The following PDE5A variants were observed in gnomAD, a reference collection of about 807,000 sequenced individuals.
PDE5A encodes cGMP-specific 3',5'-cyclic phosphodiesterase.
In PDE5A, 67 loss-of-function variants were observed where a neutral mutation model predicts 110.2. The ratio of observed to expected loss-of-function variants is 0.61; its 90% CI spans 0.50 to 0.75. The LOEUF (loss-of-function observed/expected upper bound fraction) is 0.75. PDE5A is among the 30% of genes least tolerant of loss of function. PDE5A has a pLI of 0.00. For missense variants in PDE5A, 862 were observed against 1,045.1 expected (o/e 0.82, Z 2.42); for synonymous variants, 328 against 351.2 (o/e 0.93, Z 0.74).
chr4:119,498,375 G>A lies in PDE5A; in HGVS notation c.*226C>T, dbSNP rs199588888. 2.3e-5 allele frequency: 11 copies of A among 482,036 alleles called. No homozygotes were observed. Among genetic ancestry groups the A allele is most frequent in the Non-Finnish European group, 4.1e-5 (11 of 270,032 alleles). 29.9% of individuals were successfully genotyped at this position (482,036 alleles called of 1,614,324 possible). ...TTTTATCAATGTGCTAACAGTGGAT[G>A]TTGTTGATCCTTTCAGTTCAGTAGC... On this transcript the variant is annotated 3_prime_UTR_variant, in exon 21 of 21. Coordinates refer to ENST00000354960, the MANE Select transcript of PDE5A (RefSeq NM_001083.4).
At chr4:119,565,491 T>C in intron 4 of PDE5A, 81 bp from the exon 5 acceptor site, 1 of 915,428 alleles carries the variant, frequency 1.1e-6, no homozygotes. Flanking sequence ...TCCTCAAATA[T>C]TTACAGTTAG....
intron 19 of PDE5A, chr4:119,502,293 A>G (rs3733519): frequency 0.25 from 61,723 of 245,998 alleles, 8,061 homozygotes; most frequent in East Asian, 0.34. Context: ...ATGATAATAC[A>G]TAAGAATATT....
intron 3 of PDE5A, among the ~76,000 whole-genome samples, chr4:119,579,088 A>C: frequency 6.6e-6 from 1 of 152,182 alleles, no homozygotes; most frequent in Non-Finnish European, 1.5e-5. Flanking sequence ...ACATGAAAAA[A>C]TGCTCATCAT....
rs79200398 is a variant in PDE5A, at chr4:119,625,801, C to T, written c.152+2719G>A. On this transcript the variant is annotated intron_variant, in intron 1 of 20. Transcript: ENST00000354960. ...TTTTTACCACAAAATGTGAACCACA[C>T]TGGGGTTAGTGGTTTGCATTTTTAT... is the stretch of plus-strand genomic sequence containing the variant. Among the ~76,000 whole-genome samples, 4 of 152,194 alleles carry T rather than the reference C, an allele frequency of 2.6e-5. No homozygotes were observed. In the East Asian group the frequency reaches 5.8e-4, roughly 22 times the overall value.
chr4:119,524,016 T>C (rs1048392976), intron 12 of PDE5A, among the ~76,000 whole-genome samples: 12 of 151,964 alleles, frequency 7.9e-5, no homozygotes, highest in Non-Finnish European at 1.8e-4. Flanking sequence ...ATTTGATGAG[T>C]GATGTAACCA....
rs549075474 is a variant in PDE5A, at chr4:119,603,711, G to A, written c.741+2998C>T. Among the ~76,000 whole-genome samples, 4 of 152,178 alleles carry A rather than the reference G, an allele frequency of 2.6e-5. No individual in the cohort carries two copies. The East Asian group carries it at 5.8e-4, about 22-fold the overall frequency. On this transcript the variant is annotated intron_variant, in intron 2 of 20. Coordinates refer to ENST00000354960, the MANE Select transcript of PDE5A (RefSeq NM_001083.4). ...GGTCATTTGTTATAATTAACTTTAT[G>A]AGACTTTAAAAAAAATTCTCAGCAT...
chr4:119,552,801 C>T (rs1001259020), intron 8 of PDE5A, among the ~76,000 whole-genome samples, 164 bp from the exon 9 acceptor site: 1 of 151,892 alleles, frequency 6.6e-6, no homozygotes, highest in Non-Finnish European at 1.5e-5. Flanking sequence ...ATGAAGTTCA[C>T]ATAAATGCAA....
chr4:119,504,509 T>C (rs1490960159), intron 18 of PDE5A, 27 bp downstream of exon 18: 3 of 1,569,906 alleles, frequency 1.9e-6, no homozygotes, highest in Non-Finnish European at 2.6e-6. Flanking sequence ...ACTTTTTAAT[T>C]ATTGTTATTG....
chr4:119,560,275 G>GCA (rs1727700757), intron 7 of PDE5A, 21 bp downstream of exon 7: 1 of 1,414,012 alleles, frequency 7.1e-7, no homozygotes, highest in African/African-American at 1.4e-5. Flanking sequence ...ATAAAGACAA[G>GCA]TAGAGAATAC....
At chr4:119,608,842 C>T (rs1052639572) in intron 1 of PDE5A, among the ~76,000 whole-genome samples, 1 of 152,118 alleles carries the variant, frequency 6.6e-6, no homozygotes, top group African/African-American at 2.4e-5. Context: ...TAGTCACTCT[C>T]CAAAGTTTTT....
At chr4:119,586,267 G>A (rs1728762731) in intron 3 of PDE5A, among the ~76,000 whole-genome samples, 1 of 152,094 alleles carries the variant, frequency 6.6e-6, no homozygotes, top group African/African-American at 2.4e-5. Flanking sequence ...AAAAATTTTT[G>A]TAAGATCCTC....
chr4:119,587,404 T>C (rs1728801510), intron 3 of PDE5A, among the ~76,000 whole-genome samples: 1 of 143,842 alleles, frequency 7.0e-6, no homozygotes, highest in Admixed American at 7.2e-5. Flanking sequence ...TGAGACGGAG[T>C]CTCGCTCTGT....
rs778191725 is a variant in PDE5A at position 119,565,385 on chromosome 4, C to T, written c.929G>A (p.Cys310Tyr). The change falls in exon 5 of 21, where the codon TGT (cysteine) becomes TAT (tyrosine). Residue 310 changes from cysteine to tyrosine, a missense_variant. By Grantham distance (194) the Cys-to-Tyr change is radical (BLOSUM62 -2). Transcript: ENST00000354960. ...CTGAGCATTATGAAGAACAATACCACAAAATGCCAAATAAGCAGCAAAGTC... is the reference window on the plus strand; with the variant it reads ...CTGAGCATTATGAAGAACAATACCATAAAATGCCAAATAAGCAGCAAAGTC... ...EKDFAAYLAF[C>Y]GIVLHNAQLY... The T allele has an allele frequency of 6.2e-7, 1 of 1,611,880 alleles. No homozygotes were observed. The highest frequency in any genetic ancestry group is 2.2e-5 in the East Asian group (1 of 44,738).
intron 11 of PDE5A, among the ~76,000 whole-genome samples, chr4:119,528,224 T>G (rs1726397889): frequency 6.6e-6 from 1 of 152,032 alleles, no homozygotes; most frequent in Admixed American, 6.6e-5. Flanking sequence ...CTTTTTATGA[T>G]CCTTTTCTAA....
chr4:119,600,266 A>T (rs558682071), intron 2 of PDE5A, among the ~76,000 whole-genome samples: 1 of 152,220 alleles, frequency 6.6e-6, no homozygotes, highest in African/African-American at 2.4e-5. Context: ...AAAAAAGAAA[A>T]ATAATGCATC....
rs753921669 is a variant in PDE5A at position 119,498,798 on chromosome 4, C to T, written c.2491-60G>A. The T allele has an allele frequency of 2.6e-5, 41 of 1,588,900 alleles. No individual in the cohort carries two copies. In the South Asian group the frequency reaches 3.7e-4, roughly 14 times the overall value. ...AAGCCAGGAAATAAGTCCTCTCCCA[C>T]AGGCCTGTTACAAAGGGCCACATCC... On this transcript the variant is annotated intron_variant, in intron 20 of 20. Transcript: ENST00000354960.
intron 4 of PDE5A, among the ~76,000 whole-genome samples, chr4:119,566,536 C>T (rs1156595959): frequency 1.3e-5 from 2 of 152,028 alleles, no homozygotes; most frequent in East Asian, 1.9e-4. Flanking sequence ...CAGAGTTGAA[C>T]GAGAAGTATA....
intron 3 of PDE5A, among the ~76,000 whole-genome samples, chr4:119,577,399 A>T (rs1290685042): frequency 6.6e-6 from 1 of 152,208 alleles, no homozygotes; most frequent in African/African-American, 2.4e-5. Context: ...AGAATTTTAC[A>T]CCAATATCCT....
At position 119,627,800 on chromosome 4, in the gene PDE5A, G is replaced by C. The variant is rs1730413754; in HGVS notation, c.152+720C>G. 1.3e-5 allele frequency among the ~76,000 whole-genome samples: 2 copies of C among 152,236 alleles called. No homozygotes were observed. The highest frequency in any genetic ancestry group is 2.4e-5 in the African/African-American group (1 of 41,466). On this transcript the variant is annotated intron_variant, in intron 1 of 20. Transcript: ENST00000354960. This position sits in a 1 kb window ranked among gnomAD's most constrained non-coding sequence, Gnocchi z 4.6. Reference sequence around the variant, plus strand: ...GGCGCTTGGCTCTGGACCAGAAAGAGCTGGCCTCTGGGGTCTGCGCTGCCC... The same window carrying C: ...GGCGCTTGGCTCTGGACCAGAAAGACCTGGCCTCTGGGGTCTGCGCTGCCC...
Sources: allele counts gnomAD v4.1 joint callset (sites outside exome capture counted in the v4.1 genomes callset), GRCh38; gene constraint gnomAD v4.1.1; non-coding constraint Gnocchi (gnomAD v3.1); transcripts MANE v1.5; gene names NCBI Gene and HGNC (gene_info 2026-07-23, HGNC 2026-07-21).